LARP1B: variants seen among roughly 807,000 people sequenced by gnomAD.
The protein encoded by LARP1B is la-related protein 1B.
In LARP1B, 76 loss-of-function variants were observed where a neutral mutation model predicts 114.2. The observed-to-expected ratio is 0.67, with a 90% CI of 0.55 to 0.81. The LOEUF (loss-of-function observed/expected upper bound fraction) is 0.81, where lower values mean the gene tolerates loss of function less well. Among genes scored for constraint, LARP1B ranks in the 30% least tolerant of loss-of-function variants. LARP1B has a pLI of 0.00. For synonymous variants in LARP1B, 345 were observed against 348.0 expected (o/e 0.99, Z 0.10); for missense variants, 1,014 against 1,075.8 (o/e 0.94, Z 0.80).
chr4:128,122,509 G>C (rs545590903), intron 11 of LARP1B: 16 of 1,522,298 alleles, frequency 1.1e-5, no homozygotes, highest in Admixed American at 2.1e-5. Flanking sequence ...GCCCTTTCTC[G>C]TATGAAAGAA....
At chr4:128,106,027 G>GT (rs1781946556) in intron 8 of LARP1B, among the ~76,000 whole-genome samples, 1 of 151,430 alleles carries the variant, frequency 6.6e-6, no homozygotes, top group African/African-American at 2.4e-5. Context: ...AATGGATAAT[G>GT]TTCTTTTTTT....
At chr4:128,178,775 T>C in intron 14 of LARP1B, 133 bp downstream of exon 14, 3 of 783,730 alleles carry the variant, frequency 3.8e-6, no homozygotes, top group South Asian at 3.8e-5. Context: ...AATCATACTT[T>C]ACCATAGTGA....
chr4:128,079,578 T>A (rs1769442702), intron 4 of LARP1B, among the ~76,000 whole-genome samples: 1 of 151,974 alleles, frequency 6.6e-6, no homozygotes, highest in African/African-American at 2.4e-5. Flanking sequence ...GTTTTTAAAA[T>A]TTTGAAACAG....
In LARP1B at chr4:128,122,079, C is replaced by T. The variant is rs530543535; in HGVS notation, c.1415C>T (p.Ser472Phe). 6.2e-7 allele frequency: 1 copy of T among 1,614,074 alleles called. No individual in the cohort carries two copies. The highest frequency in any genetic ancestry group is 1.1e-5 in the South Asian group (1 of 91,068). Residue 472 changes from serine (S) to phenylalanine (F), a missense_variant, in exon 11 of 20, where the codon TCT becomes TTT. Physicochemically the swap from Ser to Phe is radical, Grantham distance 155. Coordinates refer to ENST00000326639, the MANE Select transcript of LARP1B (RefSeq NM_018078.4). ...GGAGATCGAACAGGCACCCACATGT[C>T]TCGGGCAAAAATCACATCTGAACTT... ...PGGDRTGTHM[S>F]RAKITSELAK...
intron 4 of LARP1B, among the ~76,000 whole-genome samples, chr4:128,078,297 T>G (rs573870543): frequency 1.3e-5 from 2 of 152,020 alleles, no homozygotes; most frequent in Non-Finnish European, 2.9e-5. Context: ...ACTGTGAAAA[T>G]TAAATACATT....
intron 11 of LARP1B, chr4:128,155,851 C>A (rs1261926645): frequency 1.3e-6 from 2 of 1,567,602 alleles, no homozygotes; most frequent in Admixed American, 3.3e-5. Context: ...CGAGGAGCTG[C>A]AGAAGCAGAA....
intron 15 of LARP1B, among the ~76,000 whole-genome samples, chr4:128,196,091 A>G (rs1449803862): frequency 1.3e-5 from 2 of 151,740 alleles, no homozygotes; most frequent in Non-Finnish European, 2.9e-5. Flanking sequence ...TCTCTACTAA[A>G]AATACAAAAA....
At chr4:128,097,104 G>T (rs1296988469) in intron 7 of LARP1B, among the ~76,000 whole-genome samples, 6 of 151,632 alleles carry the variant, frequency 4.0e-5, no homozygotes, top group Non-Finnish European at 8.8e-5. Context: ...CCCCATATTG[G>T]TTACGCTGGT....
chr4:128,101,695 G>A (rs906631283), intron 8 of LARP1B, among the ~76,000 whole-genome samples: 1 of 151,830 alleles, frequency 6.6e-6, no homozygotes, highest in African/African-American at 2.4e-5. Context: ...GGCCAGGTTG[G>A]TCTCGAACTC....
At chr4:128,160,622 TGTTA>T (rs1347418138) in intron 11 of LARP1B, among the ~76,000 whole-genome samples, 12 of 152,224 alleles carry the variant, frequency 7.9e-5, no homozygotes. Flanking sequence ...GGTAGAATTG[TGTTA>T]TTTATCTCTG....
intron 11 of LARP1B, among the ~76,000 whole-genome samples, chr4:128,150,831 A>G (rs1172161103): frequency 2.6e-5 from 4 of 152,226 alleles, no homozygotes; most frequent in African/African-American, 7.2e-5. Flanking sequence ...ATTGACATGA[A>G]TGGGAAGTGA....
chr4:128,111,526 C>T (rs998399515), intron 9 of LARP1B, among the ~76,000 whole-genome samples: 5 of 151,988 alleles, frequency 3.3e-5, no homozygotes, highest in Admixed American at 6.6e-5. Flanking sequence ...AAGTGAGACC[C>T]AGTCTACAAA....
At chr4:128,070,492 C>G (rs1375934048) in intron 1 of LARP1B, among the ~76,000 whole-genome samples, 1 of 151,270 alleles carries the variant, frequency 6.6e-6, no homozygotes, top group Non-Finnish European at 1.5e-5. Context: ...GAAACCCTCT[C>G]TCTACTAAAA....
rs55639320 is a variant in LARP1B at position 128,140,824 on chromosome 4, G to GTTGTTTTT, written c.1524+18638_1524+18639insGTTTTTTT. Among the ~76,000 whole-genome samples the GTTGTTTTT allele has an allele frequency of 1.2e-4, 16 of 138,600 alleles. 4 individuals are homozygous for GTTGTTTTT. Among genetic ancestry groups the GTTGTTTTT allele is most frequent in the Admixed American group, 2.3e-4 (3 of 13,308 alleles). The allele number at this position is 138,600 out of a possible 152,430, so 90.9% of individuals were successfully genotyped here. A position where few individuals can be genotyped will look rare whatever the true frequency, so the allele number is the denominator to read the frequency against. ...AAGTCAAGGTAGGTTAATTGTCTCTGTTTTTTTTTTTGGCAGAGTCTTGCT... is the reference window on the plus strand; with the variant it reads ...AAGTCAAGGTAGGTTAATTGTCTCTGTTGTTTTTTTTTTTTTTTTGGCAGAGTCTTGCT... On this transcript the variant is annotated intron_variant, in intron 11 of 19. Transcript: ENST00000326639.
intron 11 of LARP1B, among the ~76,000 whole-genome samples, chr4:128,148,338 G>A (rs551930215): frequency 6.6e-6 from 1 of 152,038 alleles, no homozygotes; most frequent in South Asian, 2.1e-4. Flanking sequence ...GGTTGAGGCC[G>A]GAGAATCTCT....
chr4:128,093,152 G>A, intron 7 of LARP1B: 3 of 372,524 alleles, frequency 8.1e-6, no homozygotes, highest in Non-Finnish European at 1.1e-5. Context: ...AGAGCACTAG[G>A]TTTAGTGTGG....
intron 11 of LARP1B, among the ~76,000 whole-genome samples, chr4:128,147,258 G>C (rs1730741946): frequency 6.6e-6 from 1 of 152,132 alleles, no homozygotes; most frequent in Non-Finnish European, 1.5e-5. Flanking sequence ...CTTCTTTCTT[G>C]CCCTTTTTCT....
chr4:128,067,616 A>G lies in LARP1B; in HGVS notation c.-78+6215A>G, dbSNP rs147643459. The stretch of plus-strand genomic sequence containing the variant: ...CTTCAGCCAAAGTTGCTGCCCACCC[A>G]AGAGGCCTTTTATCTTGAAATTTAG... On this transcript the variant is annotated intron_variant, in intron 1 of 19. Coordinates refer to ENST00000326639, the MANE Select transcript of LARP1B (RefSeq NM_018078.4). Among the ~76,000 whole-genome samples, 24 of 152,246 alleles carry G rather than the reference A, an allele frequency of 1.6e-4. No homozygotes were observed. In the East Asian group the frequency reaches 4.4e-3, roughly 28 times the overall value.
chr4:128,202,575 A>G (rs1176644339), intron 17 of LARP1B, among the ~76,000 whole-genome samples: 1 of 152,184 alleles, frequency 6.6e-6, no homozygotes, highest in African/African-American at 2.4e-5. Flanking sequence ...TTGATCTCAG[A>G]CTATTTTGCT....
Sources: allele counts gnomAD v4.1 joint callset (sites outside exome capture counted in the v4.1 genomes callset), GRCh38; gene constraint gnomAD v4.1.1; transcripts MANE v1.5; gene names NCBI Gene and HGNC (gene_info 2026-07-23, HGNC 2026-07-21).